The following ZFYVE28 variants were observed in gnomAD, a reference collection of about 807,000 sequenced individuals.
ZFYVE28 encodes the protein zinc finger FYVE-type containing 28, also known as lateral signaling target protein 2 homolog.
A neutral mutation model predicts 82.1 loss-of-function variants in ZFYVE28; 40 were observed. The ratio of observed to expected loss-of-function variants is 0.49; its 90% CI spans 0.38 to 0.63. ZFYVE28 has a LOEUF of 0.63. ZFYVE28 is among the 30% of genes least tolerant of loss of function. ZFYVE28 has a pLI of 0.00. For synonymous variants in ZFYVE28, 612 were observed against 546.1 expected (o/e 1.12, Z -1.68); for missense variants, 1,321 against 1,242.1 (o/e 1.06, Z -0.96).
chr4:2,337,570 T>G, intron 4 of ZFYVE28, 74 bp from the exon 5 acceptor site: 2 of 1,208,032 alleles, frequency 1.7e-6, no homozygotes, highest in Non-Finnish European at 2.3e-6. Flanking sequence ...GTGGGGGGCA[T>G]CTTCAATTAA....
chr4:2,417,502 G>C lies in ZFYVE28; in HGVS notation c.39+783C>G, dbSNP rs1267851704. ...CTAGGAGAGGCGCGGGCGCCGGCTG[G>C]AGAGCCGCACCTCCCGCCCCGCCGA... On this transcript the variant is annotated intron_variant, in intron 1 of 12. Coordinates refer to ENST00000290974, the MANE Select transcript of ZFYVE28 (RefSeq NM_020972.3). This position sits in a 1 kb window ranked among gnomAD's most constrained non-coding sequence, Gnocchi z 4.8. Among the ~76,000 whole-genome samples, 1 of 151,344 alleles carries C rather than the reference G, an allele frequency of 6.6e-6. No individual in the cohort carries two copies.
intron 1 of ZFYVE28, among the ~76,000 whole-genome samples, chr4:2,369,306 C>T (rs1362044085): frequency 2.0e-5 from 3 of 152,180 alleles, no homozygotes; most frequent in African/African-American, 7.2e-5. Flanking sequence ...CTGCCACAGC[C>T]ACAGGACCCC....
intron 11 of ZFYVE28, 31 bp downstream of exon 11, chr4:2,271,644 G>A (rs1735919413): frequency 6.2e-7 from 1 of 1,601,558 alleles, no homozygotes; most frequent in African/African-American, 1.3e-5. Context: ...GGTGTCTAGT[G>A]CAGTGTCCTG....
intron 8 of ZFYVE28, among the ~76,000 whole-genome samples, chr4:2,302,348 TGGCA>T (rs1715687992): frequency 6.6e-6 from 1 of 152,114 alleles, no homozygotes; most frequent in Non-Finnish European, 1.5e-5. Flanking sequence ...CAGCTGTCAA[TGGCA>T]AGTTCTACAC....
Position 2,417,782 on chromosome 4 carries a change from T to C in ZFYVE28, c.39+503A>G, listed in dbSNP as rs1184041459. Among the ~76,000 whole-genome samples the C allele has an allele frequency of 1.5e-5, 2 of 137,146 alleles. No homozygotes were observed. Among genetic ancestry groups the C allele is most frequent in the Non-Finnish European group, 3.1e-5 (2 of 63,728 alleles). The allele number at this position is 137,146 out of a possible 152,430, so 90.0% of individuals were successfully genotyped here. On this transcript the variant is annotated intron_variant, in intron 1 of 12. Transcript: ENST00000290974. This position sits in a 1 kb window ranked among gnomAD's most constrained non-coding sequence, Gnocchi z 4.8. ...TGGGTTCTCTCAGAACCTGGGGAAGTGGGGAGAGGGTCTGTTCTGGAGTGC... is the reference window on the plus strand; with the variant it reads ...TGGGTTCTCTCAGAACCTGGGGAAGCGGGGAGAGGGTCTGTTCTGGAGTGC...
chr4:2,276,299 C>T (rs2108800092), intron 8 of ZFYVE28, among the ~76,000 whole-genome samples: 1 of 152,318 alleles, frequency 6.6e-6, no homozygotes, highest in South Asian at 2.1e-4. Context: ...GCTGGGACCC[C>T]AACAATGCTC....
Position 2,270,438 on chromosome 4 carries a change from A to C in ZFYVE28, c.*287T>G. 3 of 463,238 alleles carry C rather than the reference A, an allele frequency of 6.5e-6. No homozygotes were observed. The highest frequency in any genetic ancestry group is 2.4e-5 in the South Asian group (1 of 42,046). 28.7% of individuals were successfully genotyped at this position (463,238 alleles called of 1,614,324 possible). On this transcript the variant is annotated 3_prime_UTR_variant, in exon 13 of 13. Transcript: ENST00000290974. ...AGCAGATCTCCGAGGGACCAGTGGG[A>C]GGGCCCAGGCCTTCTCCGCCAGGCA...
At chr4:2,346,966 A>G (rs541755520) in intron 2 of ZFYVE28, among the ~76,000 whole-genome samples, 3 of 152,280 alleles carry the variant, frequency 2.0e-5, no homozygotes, top group African/African-American at 7.2e-5. Context: ...TGATCTAAAA[A>G]CCCCAAATAA....
Position 2,305,001 on chromosome 4 carries a change from T to C in ZFYVE28, c.1339A>G (p.Ile447Val), listed in dbSNP as rs557164903. The C allele has an allele frequency of 2.5e-6, 4 of 1,612,396 alleles. No individual in the cohort carries two copies. In the South Asian group the frequency reaches 3.3e-5, roughly 13 times the overall value. ...TCCTTTTCCGAGGCGGGCAAGCTGA[T>C]CCCCGCCGCTCCGCCTGGCCCACCC... ...GQGGPGGAAG[I>V]SLPASEKEED... The change falls in exon 8 of 13, where the codon ATC becomes GTC. Residue 447 changes from isoleucine (I) to valine (V), a missense_variant. Transcript: ENST00000290974.
chr4:2,338,794 C>T (rs977061306), intron 4 of ZFYVE28, among the ~76,000 whole-genome samples: 39 of 152,106 alleles, frequency 2.6e-4, no homozygotes, highest in Admixed American at 5.9e-4. Flanking sequence ...TGAACCTCTG[C>T]GGACACCATC....
In ZFYVE28 at chr4:2,408,288, C is replaced by T. The variant is rs544138009; in HGVS notation, c.39+9997G>A. ...CTACCAAGCCAGCATTTCCCTGCATCCCCACACCTGCCCTTTGAGATGTGA... is the reference window on the plus strand; with the variant it reads ...CTACCAAGCCAGCATTTCCCTGCATTCCCACACCTGCCCTTTGAGATGTGA... On this transcript the variant is annotated intron_variant, in intron 1 of 12. Transcript: ENST00000290974. This position sits in a 1 kb window ranked among gnomAD's most constrained non-coding sequence, Gnocchi z 4.3. 5.3e-5 allele frequency among the ~76,000 whole-genome samples: 8 copies of T among 152,308 alleles called. No homozygotes were observed. The highest frequency in any genetic ancestry group is 1.9e-4 in the African/African-American group (8 of 41,584).
intron 1 of ZFYVE28, among the ~76,000 whole-genome samples, chr4:2,413,900 T>C (rs1238988686): frequency 6.6e-6 from 1 of 151,860 alleles, no homozygotes; most frequent in Non-Finnish European, 1.5e-5. Context: ...CCCACAGCCT[T>C]CCAAGCCCCA....
At position 2,418,180 on chromosome 4, in the gene ZFYVE28, G is replaced by C. The variant is rs1578452486; in HGVS notation, c.39+105C>G. 1 of 1,109,396 alleles carries C rather than the reference G, an allele frequency of 9.0e-7. No homozygotes were observed. The highest frequency in any genetic ancestry group is 1.7e-5 in the African/African-American group (1 of 60,540). 68.7% of individuals were successfully genotyped at this position (1,109,396 alleles called of 1,614,324 possible). ...ATGTCGGCGGTGGGGGAAGAGGCCG[G>C]CCACGGACAGGGAAAGGGAGTCCGT... On this transcript the variant is annotated intron_variant, in intron 1 of 12. Transcript: ENST00000290974. This position sits in a 1 kb window ranked among gnomAD's most constrained non-coding sequence, Gnocchi z 4.6.
At chr4:2,390,075 C>T (rs757590629) in intron 1 of ZFYVE28, among the ~76,000 whole-genome samples, 12 of 152,162 alleles carry the variant, frequency 7.9e-5, no homozygotes, top group East Asian at 1.9e-4. Flanking sequence ...TTAAGGATCT[C>T]GTGATGAGAT....
chr4:2,305,300 C>A lies in ZFYVE28; in HGVS notation c.1040G>T (p.Arg347Leu), dbSNP rs372107124. ...YDDQELEQLS[R>L]MVHRAGDEMS... ...CTCGTCCCCCGCCCTGTGGACCATG[C>A]GGCTGAGCTGCTCCAGCTCCTGGTC... The change falls in exon 8 of 13, where the codon CGC (arginine) becomes CTC (leucine). Residue 347 changes from arginine (R) to leucine (L), a missense_variant. Transcript: ENST00000290974. The A allele has an allele frequency of 6.2e-7, 1 of 1,613,114 alleles. No homozygotes were observed. The highest frequency in any genetic ancestry group is 1.1e-5 in the South Asian group (1 of 91,068).
chr4:2,337,182 C>T (rs541171387), intron 5 of ZFYVE28, among the ~76,000 whole-genome samples: 74 of 152,102 alleles, frequency 4.9e-4, no homozygotes, highest in Non-Finnish European at 7.4e-4. Flanking sequence ...GACCGTGGGG[C>T]GGTGGAAGGG....
chr4:2,353,253 C>T (rs1363290349), intron 2 of ZFYVE28, among the ~76,000 whole-genome samples: 1 of 152,218 alleles, frequency 6.6e-6, no homozygotes, highest in African/African-American at 2.4e-5. Flanking sequence ...AGGAGCCCCA[C>T]AGGGTGGGAC....
At chr4:2,410,276 C>A (rs979929280) in intron 1 of ZFYVE28, among the ~76,000 whole-genome samples, 2 of 152,040 alleles carry the variant, frequency 1.3e-5, no homozygotes, top group Admixed American at 6.6e-5. Flanking sequence ...ATTTCCACTT[C>A]CACTCTCCAA....
intron 1 of ZFYVE28, among the ~76,000 whole-genome samples, chr4:2,360,855 A>G (rs1726050671): frequency 6.6e-6 from 1 of 152,226 alleles, no homozygotes; most frequent in Non-Finnish European, 1.5e-5. Flanking sequence ...CGACAGATAA[A>G]TGGGGAGGGG....
Sources: gnomAD v4.1 joint callset for allele counts (sites outside exome capture counted in the v4.1 genomes callset) on GRCh38, gnomAD v4.1.1 for gene constraint, Gnocchi (gnomAD v3.1) non-coding constraint, MANE v1.5 for transcripts, NCBI Gene and HGNC (gene_info 2026-07-23, HGNC 2026-07-21) for gene names.